Variants in MAD1L1 observed in about 807,000 individuals in gnomAD.
The protein encoded by MAD1L1 is mitotic spindle assembly checkpoint protein MAD1.
Under a neutral mutation model 96.9 loss-of-function variants are expected in MAD1L1, and 95 were observed. The observed-to-expected ratio is 0.98, with a 90% CI of 0.83 to 1.16. The LOEUF (loss-of-function observed/expected upper bound fraction) is 1.16, where lower values mean the gene tolerates loss of function less well. MAD1L1 is among the 50% of genes most tolerant of loss of function. The probability of loss-of-function intolerance (pLI) is 0.00; values close to 1 mark genes in which losing one functional copy is unlikely to be tolerated. For synonymous variants in MAD1L1, 473 were observed against 396.6 expected, an observed-to-expected ratio of 1.19 and a Z score of -2.29; for missense variants, 1,007 against 954.4, an observed-to-expected ratio of 1.06 and a Z score of -0.73.
At chr7:2,200,788 G>C (rs907212961) in intron 10 of MAD1L1, among the ~76,000 whole-genome samples, 4 of 152,214 alleles carry the variant, frequency 2.6e-5, no homozygotes, top group African/African-American at 7.2e-5. Flanking sequence ...AGCGTGCAAA[G>C]GCTGGTCCAC....
chr7:1,934,937 G>T (rs183846845), intron 17 of MAD1L1, among the ~76,000 whole-genome samples: 18 of 151,648 alleles, frequency 1.2e-4, no homozygotes, highest in Non-Finnish European at 1.6e-4. Context: ...GGGTGAACCC[G>T]AGACGGGCAG....
chr7:1,822,050 C>A (rs747427150), intron 18 of MAD1L1, among the ~76,000 whole-genome samples: 1 of 152,082 alleles, frequency 6.6e-6, no homozygotes, highest in African/African-American at 2.4e-5. Context: ...CCTAGAATGA[C>A]GTGACGGCCC....
Position 1,968,050 on chromosome 7 carries a change from C to T in MAD1L1, c.1506-10331G>A, listed in dbSNP as rs922651858. ...GTGAATAAATGGGGAAGAGGAGACA[C>T]CTCCCTCACAGAACTCCACATCATA... On this transcript the variant is annotated intron_variant, in intron 15 of 18. Transcript: ENST00000265854. This position sits in a 1 kb window ranked among gnomAD's most constrained non-coding sequence, Gnocchi z 5.6. Among the ~76,000 whole-genome samples, 1 of 152,240 alleles carries T rather than the reference C, an allele frequency of 6.6e-6. No individual in the cohort carries two copies. The highest frequency in any genetic ancestry group is 1.5e-5 in the Non-Finnish European group (1 of 68,042).
chr7:1,870,356 T>C (rs71523266), intron 18 of MAD1L1, among the ~76,000 whole-genome samples: 44,762 of 118,802 alleles, frequency 0.38, 10,127 homozygotes, highest in Admixed American at 0.48. Context: ...ACACCTGCCA[T>C]GCTGAACCCA....
chr7:1,870,883 C>T (rs1191631812), intron 18 of MAD1L1, among the ~76,000 whole-genome samples: 1 of 146,090 alleles, frequency 6.8e-6, no homozygotes, highest in Non-Finnish European at 1.5e-5. Context: ...CTAACATACG[C>T]CTGCCACGAT....
intron 18 of MAD1L1, among the ~76,000 whole-genome samples, chr7:1,836,349 G>A (rs1782936911): frequency 6.6e-6 from 1 of 152,170 alleles, no homozygotes; most frequent in Non-Finnish European, 1.5e-5. Context: ...GGCTGTCTTG[G>A]TTTTGGTGGG....
chr7:2,060,110 G>T (rs537436136), intron 12 of MAD1L1, among the ~76,000 whole-genome samples: 1 of 151,134 alleles, frequency 6.6e-6, no homozygotes, highest in Non-Finnish European at 1.5e-5. Flanking sequence ...GAGATACGCC[G>T]AAGCCAAGAT....
At chr7:2,097,615 G>A (rs573843439) in intron 11 of MAD1L1, among the ~76,000 whole-genome samples, 12 of 152,358 alleles carry the variant, frequency 7.9e-5, no homozygotes, top group African/African-American at 2.9e-4. Flanking sequence ...CCAGGCAGCA[G>A]GAGGTGCGGA....
At chr7:2,177,707 A>G (rs1342123882) in intron 10 of MAD1L1, among the ~76,000 whole-genome samples, 1 of 152,266 alleles carries the variant, frequency 6.6e-6, no homozygotes, top group African/African-American at 2.4e-5. Context: ...CTTAAAAATT[A>G]TCAGTAAGAA....
chr7:1,952,440 T>C (rs1779541688), intron 16 of MAD1L1, among the ~76,000 whole-genome samples: 1 of 152,206 alleles, frequency 6.6e-6, no homozygotes, highest in South Asian at 2.1e-4. Flanking sequence ...AATGACCTGC[T>C]TCCTTTCACG....
At chr7:2,171,596 C>A (rs58129074) in intron 10 of MAD1L1, among the ~76,000 whole-genome samples, 3 of 150,068 alleles carry the variant, frequency 2.0e-5, no homozygotes, top group Admixed American at 6.6e-5. Flanking sequence ...TGGAGATGGG[C>A]CACGTATGGG....
intron 11 of MAD1L1, among the ~76,000 whole-genome samples, chr7:2,085,295 G>C (rs1349481744): frequency 6.6e-6 from 1 of 152,226 alleles, no homozygotes; most frequent in Non-Finnish European, 1.5e-5. Flanking sequence ...GTGTAACGGA[G>C]CAAGTAACGG....
intron 17 of MAD1L1, among the ~76,000 whole-genome samples, chr7:1,921,368 G>A (rs1788784415): frequency 6.6e-6 from 1 of 151,344 alleles, no homozygotes; most frequent in Non-Finnish European, 1.5e-5. Context: ...GCCCAGGCTG[G>A]AGTGCAATGG....
intron 18 of MAD1L1, among the ~76,000 whole-genome samples, chr7:1,831,513 T>G (rs976580944): frequency 1.3e-5 from 2 of 152,178 alleles, no homozygotes; most frequent in African/African-American, 4.8e-5. Context: ...GAAAGAAGAC[T>G]CACATGTCTC....
chr7:2,033,601 G>A (rs1219964160), intron 12 of MAD1L1, among the ~76,000 whole-genome samples: 1 of 152,232 alleles, frequency 6.6e-6, no homozygotes, highest in Middle Eastern at 3.2e-3. Flanking sequence ...ATCAACAGAA[G>A]AAACGTAACT....
chr7:2,056,640 AGCTCCCACGG>A (rs1784399406), intron 12 of MAD1L1, among the ~76,000 whole-genome samples: 1 of 151,960 alleles, frequency 6.6e-6, no homozygotes, highest in African/African-American at 2.4e-5. Flanking sequence ...CCCACCACAG[AGCTCCCACGG>A]GCTCCCACCC....
At chr7:1,918,871 C>A (rs1369122944) in intron 17 of MAD1L1, among the ~76,000 whole-genome samples, 1 of 151,932 alleles carries the variant, frequency 6.6e-6, no homozygotes, top group Non-Finnish European at 1.5e-5. Context: ...CCCCAGCCCC[C>A]CTCCCCTCCC....
chr7:1,914,338 G>A (rs528034790), intron 17 of MAD1L1, among the ~76,000 whole-genome samples: 48 of 152,356 alleles, frequency 3.2e-4, no homozygotes, highest in African/African-American at 9.9e-4. Flanking sequence ...GACCACGGGC[G>A]TTCCTGCATT....
chr7:1,842,413 G>C (rs989495764), intron 18 of MAD1L1, among the ~76,000 whole-genome samples: 1 of 152,224 alleles, frequency 6.6e-6, no homozygotes, highest in Admixed American at 6.5e-5. Context: ...CGTCACAGCC[G>C]GGCTTGGCCC....
Sources: gnomAD v4.1 joint callset for allele counts (sites outside exome capture counted in the v4.1 genomes callset) on GRCh38, gnomAD v4.1.1 for gene constraint, Gnocchi (gnomAD v3.1) non-coding constraint, MANE v1.5 for transcripts, NCBI Gene and HGNC (gene_info 2026-07-23, HGNC 2026-07-21) for gene names.